ASB2: variants seen among roughly 807,000 people sequenced by gnomAD.
The protein encoded by ASB2 is ankyrin repeat and SOCS box protein 2.
ASB2 carries 58 observed loss-of-function variants against 62.4 expected under a neutral mutation model. The observed-to-expected ratio is 0.93, with a 90% CI of 0.75 to 1.16. The LOEUF (loss-of-function observed/expected upper bound fraction) is 1.16. Among genes scored for constraint, ASB2 ranks in the 50% most tolerant of loss-of-function variants. The probability of loss-of-function intolerance (pLI) is 0.00; values close to 1 mark genes in which losing one functional copy is unlikely to be tolerated. For synonymous variants in ASB2, 386 were observed against 385.3 expected (o/e 1.00, Z -0.02); for missense variants, 928 against 887.9 (o/e 1.05, Z -0.57).
intron 8 of ASB2, 64 bp downstream of exon 8, chr14:93,939,042 TGC>T (rs1888389704): frequency 5.1e-5 from 68 of 1,335,360 alleles, no homozygotes; most frequent in East Asian, 2.3e-4. Context: ...CCGCCTCCCA[TGC>T]GCGCGCGCGT....
intron 1 of ASB2, among the ~76,000 whole-genome samples, chr14:93,965,498 C>T (rs1292773652): frequency 2.0e-5 from 3 of 152,204 alleles, no homozygotes; most frequent in Non-Finnish European, 4.4e-5. Flanking sequence ...TCCAGTGACT[C>T]TTTTCTTAAA....
At position 93,950,808 on chromosome 14, in the gene ASB2, C is replaced by T. The variant is rs181313547; in HGVS notation, c.880+191G>A. On this transcript the variant is annotated intron_variant, in intron 6 of 9. Transcript: ENST00000555019. ...AATGGCAGATGTCACTAGTGGATCC[C>T]GACGCTCTTCCCACTGAGCCTGGAC... Among the ~76,000 whole-genome samples the T allele has an allele frequency of 1.4e-3, 215 of 152,278 alleles. 1 individual carries two copies. The highest frequency in any genetic ancestry group is 4.9e-3 in the African/African-American group (203 of 41,556).
Position 93,949,428 on chromosome 14 carries a change from C to T in ASB2, c.880+1571G>A, listed in dbSNP as rs138844387. 2.0e-3 allele frequency among the ~76,000 whole-genome samples: 299 copies of T among 152,348 alleles called. 1 individual carries two copies. The highest frequency in any genetic ancestry group is 6.8e-3 in the Middle Eastern group (2 of 294). On this transcript the variant is annotated intron_variant, in intron 6 of 9. Transcript: ENST00000555019. ...ACCAGGGATAATAGTACCTACCCCT[C>T]GGGGTTACTGCAGGGAGTAAACAAA...
intron 9 of ASB2, among the ~76,000 whole-genome samples, chr14:93,935,811 G>C (rs1261570989): frequency 6.8e-6 from 1 of 147,788 alleles, no homozygotes; most frequent in Admixed American, 6.7e-5. Context: ...TCTGAGCTCA[G>C]ATTTTTCTAC....
intron 2 of ASB2, among the ~76,000 whole-genome samples, chr14:93,959,564 C>T (rs533344501): frequency 3.5e-4 from 54 of 152,316 alleles, no homozygotes; most frequent in Non-Finnish European, 6.2e-4. Flanking sequence ...TCATCACAGG[C>T]GAGAGGAGCC....
At chr14:93,956,579 C>A (rs1889215558) in intron 3 of ASB2, among the ~76,000 whole-genome samples, 187 bp downstream of exon 3, 1 of 152,220 alleles carries the variant, frequency 6.6e-6, no homozygotes, top group African/African-American at 2.4e-5. Flanking sequence ...AGTCTGTGGC[C>A]ACCAAGCCCA....
Position 93,939,096 on chromosome 14 carries a change from T to C in ASB2, c.1617+12A>G, listed in dbSNP as rs2141270781. On this transcript the variant is annotated intron_variant, in intron 8 of 9. Coordinates refer to ENST00000555019, the MANE Select transcript of ASB2 (RefSeq NM_001202429.2). Reference sequence around the variant, plus strand: ...AAAGGCGTGCTCCCCACCGCCAGCGTGCGCTGCCCACCTGCACCACGCTGG... The same window carrying C: ...AAAGGCGTGCTCCCCACCGCCAGCGCGCGCTGCCCACCTGCACCACGCTGG... 1 of 1,450,786 alleles carries C rather than the reference T, an allele frequency of 6.9e-7. No individual in the cohort carries two copies. The highest frequency in any genetic ancestry group is 9.1e-7 in the Non-Finnish European group (1 of 1,102,254). 89.9% of individuals were successfully genotyped at this position (1,450,786 alleles called of 1,614,324 possible).
chr14:93,976,222 G>A (rs1241268541), intron 1 of ASB2, among the ~76,000 whole-genome samples: 13 of 152,212 alleles, frequency 8.5e-5, no homozygotes, highest in Admixed American at 7.9e-4. Flanking sequence ...AGAAGAATGG[G>A]TAAGTACATG....
chr14:93,957,508 C>T, intron 2 of ASB2: 1 of 521,914 alleles, frequency 1.9e-6, no homozygotes, highest in Non-Finnish European at 2.5e-6. Flanking sequence ...TGGGCTCTGG[C>T]ACTCCTTGGC....
intron 7 of ASB2, among the ~76,000 whole-genome samples, chr14:93,940,900 G>A (rs902298334): frequency 3.9e-5 from 6 of 152,226 alleles, no homozygotes; most frequent in South Asian, 2.1e-4. Context: ...ATGGAGCCAG[G>A]ATTTGAACCC....
chr14:93,974,949 T>C (rs1265798702), intron 1 of ASB2, among the ~76,000 whole-genome samples: 1 of 152,206 alleles, frequency 6.6e-6, no homozygotes, highest in Non-Finnish European at 1.5e-5. Context: ...CCGGCCTGTT[T>C]GTGCAAGAAC....
intron 6 of ASB2, 25 bp downstream of exon 6, chr14:93,950,974 G>T: frequency 6.2e-7 from 1 of 1,601,524 alleles, no homozygotes; most frequent in South Asian, 1.1e-5. Context: ...GGGACTCCAT[G>T]ACCTAGGGAC....
intron 6 of ASB2, 115 bp downstream of exon 6, chr14:93,950,884 C>G: frequency 8.4e-7 from 1 of 1,193,858 alleles, no homozygotes. Flanking sequence ...AACTCTCACT[C>G]CATCAGTGTG....
At position 93,939,558 on chromosome 14, in the gene ASB2, C is replaced by G; in HGVS notation, c.1167G>C (p.Leu389=). 6.3e-7 allele frequency: 1 copy of G among 1,595,062 alleles called. No individual in the cohort carries two copies. Among genetic ancestry groups the G allele is most frequent in the Non-Finnish European group, 8.5e-7 (1 of 1,173,098 alleles). Residue 389 remains leucine (L), a synonymous_variant, in exon 8 of 10, where the codon CTG becomes CTC. Coordinates refer to ENST00000555019, the MANE Select transcript of ASB2 (RefSeq NM_001202429.2). The part of the protein sequence containing the change: ...RNHDEVLEAL[L]SARFDVNTPL... ...GCGTGTTCACGTCGAAGCGCGCGCT[C>G]AGCAGCGCCTCCAGCACCTCGTCGT...
At position 93,964,685 on chromosome 14, in the gene ASB2, T is replaced by C. The variant is rs1448580666; in HGVS notation, c.-73-73A>G. On this transcript the variant is annotated intron_variant, in intron 1 of 9. Coordinates refer to ENST00000555019, the MANE Select transcript of ASB2 (RefSeq NM_001202429.2). ...AGCTATATTTACCCTCAGGGAAGGGTATGCATTTCACTGACAGTAACACAT... is the reference window on the plus strand; with the variant it reads ...AGCTATATTTACCCTCAGGGAAGGGCATGCATTTCACTGACAGTAACACAT... 9.9e-6 allele frequency: 7 copies of C among 708,826 alleles called. No individual in the cohort carries two copies. The Admixed American group carries it at 1.6e-4, about 16-fold the overall frequency. 43.9% of individuals were successfully genotyped at this position (708,826 alleles called of 1,614,324 possible). A position where few individuals can be genotyped will look rare whatever the true frequency, so the allele number is the denominator to read the frequency against.
At chr14:93,967,051 G>A (rs924830456) in intron 1 of ASB2, among the ~76,000 whole-genome samples, 3 of 152,198 alleles carry the variant, frequency 2.0e-5, no homozygotes, top group African/African-American at 7.2e-5. Flanking sequence ...GGAACCAAGG[G>A]ACTTGGGTTT....
intron 1 of ASB2, among the ~76,000 whole-genome samples, chr14:93,973,415 A>G (rs1889818024): frequency 6.6e-6 from 1 of 152,210 alleles, no homozygotes. Flanking sequence ...GGTGAGAGGA[A>G]GAGAGGGAAG....
chr14:93,939,132 G>C lies in ASB2; in HGVS notation c.1593C>G (p.Ala531=), dbSNP rs756411721. The C allele has an allele frequency of 4.2e-5, 64 of 1,537,812 alleles. 1 individual carries two copies. The South Asian group carries it at 6.2e-4, about 15-fold the overall frequency. The change falls in exon 8 of 10, where the codon GCC becomes GCG. Residue 531 remains alanine (A), a synonymous_variant. Coordinates refer to ENST00000555019, the MANE Select transcript of ASB2 (RefSeq NM_001202429.2). ...CCTGCACCACGCTGGGCTCCTTGTCGGCCGCGGGCGCGTCGTTGAACCTGC... is the reference window on the plus strand; with the variant it reads ...CCTGCACCACGCTGGGCTCCTTGTCCGCCGCGGGCGCGTCGTTGAACCTGC... ...PSSRFNDAPA[A]DKEPSVVQFC...
At chr14:93,957,559 C>T in intron 2 of ASB2, 1 of 227,924 alleles carries the variant, frequency 4.4e-6, no homozygotes, top group Non-Finnish European at 7.3e-6. Context: ...GTGCCTTAGT[C>T]CCCGCTCCTG....
Sources: allele counts gnomAD v4.1 joint callset (sites outside exome capture counted in the v4.1 genomes callset), GRCh38; gene constraint gnomAD v4.1.1; transcripts MANE v1.5; gene names NCBI Gene and HGNC (gene_info 2026-07-23, HGNC 2026-07-21).